VAPB: variants seen among roughly 807,000 people sequenced by gnomAD.
VAPB encodes the protein VAMP associated protein B and C.
In VAPB, 7 loss-of-function variants were observed where a neutral mutation model predicts 25.6. The observed-to-expected ratio is 0.27, with a 90% confidence interval of 0.16 to 0.51. The LOEUF is 0.51. Among genes scored for constraint, VAPB ranks in the 20% least tolerant of loss-of-function variants. VAPB has a pLI of 0.97. For missense variants in VAPB, 266 were observed against 301.3 expected (o/e 0.88, Z 0.87); for synonymous variants, 112 against 109.2 (o/e 1.03, Z -0.16).
intron 2 of VAPB, among the ~76,000 whole-genome samples, chr20:58,424,513 G>T (rs1988744351): frequency 6.6e-6 from 1 of 152,082 alleles, no homozygotes; most frequent in Non-Finnish European, 1.5e-5. Flanking sequence ...CAGCTTGCAG[G>T]TTTCATTAAG....
chr20:58,401,509 G>A (rs760258984), intron 1 of VAPB, among the ~76,000 whole-genome samples: 2 of 152,040 alleles, frequency 1.3e-5, no homozygotes, highest in African/African-American at 4.8e-5. Context: ...GACCCCTGTT[G>A]TCATCCTGCT....
chr20:58,400,563 A>G (rs1218933528), intron 1 of VAPB, among the ~76,000 whole-genome samples: 2 of 152,106 alleles, frequency 1.3e-5, no homozygotes, highest in Admixed American at 1.3e-4. Flanking sequence ...TGCTTCATTT[A>G]CTTATTTATT....
chr20:58,441,588 G>A (rs1268600510), intron 5 of VAPB, among the ~76,000 whole-genome samples: 3 of 152,224 alleles, frequency 2.0e-5, no homozygotes, highest in Non-Finnish European at 4.4e-5. Context: ...GTTGCAGTGA[G>A]CTGAGATCGT....
intron 1 of VAPB, among the ~76,000 whole-genome samples, chr20:58,401,935 C>G (rs187967347): frequency 6.6e-6 from 1 of 152,294 alleles, no homozygotes; most frequent in East Asian, 1.9e-4. Flanking sequence ...TGACTCAGTT[C>G]TGTCCCTTCT....
intron 2 of VAPB, among the ~76,000 whole-genome samples, chr20:58,420,941 C>T (rs927767510): frequency 6.6e-6 from 1 of 152,160 alleles, no homozygotes; most frequent in African/African-American, 2.4e-5. Flanking sequence ...ATTAATACAG[C>T]TACATGATGA....
At chr20:58,389,580 G>T (rs957012741) in intron 1 of VAPB, 63 bp downstream of exon 1, 5 of 1,494,430 alleles carry the variant, frequency 3.3e-6, no homozygotes, top group Non-Finnish European at 4.5e-6. Flanking sequence ...GAAGGACGGA[G>T]CCCGGCGCGG....
intron 2 of VAPB, among the ~76,000 whole-genome samples, chr20:58,425,805 T>C (rs1895513299): frequency 6.6e-6 from 1 of 152,212 alleles, no homozygotes; most frequent in Admixed American, 6.5e-5. Context: ...CAGCAGTCTG[T>C]GTTGTAGCAA....
Position 58,389,362 on chromosome 20 carries a change from C to T in VAPB, c.-98C>T. 1 of 1,428,106 alleles carries T rather than the reference C, an allele frequency of 7.0e-7. No homozygotes were observed. The highest frequency in any genetic ancestry group is 9.6e-7 in the Non-Finnish European group (1 of 1,043,724). 88.5% of individuals were successfully genotyped at this position (1,428,106 alleles called of 1,614,324 possible). On this transcript the variant is annotated 5_prime_UTR_variant, in exon 1 of 6. Transcript: ENST00000475243. ...CCGCCCGTGCCCCGACCGGTCCCCG[C>T]CTTTTTGTAAAACTTAAAGCGGGCG...
intron 1 of VAPB, among the ~76,000 whole-genome samples, chr20:58,395,370 C>T (rs1230521802): frequency 1.3e-5 from 2 of 152,048 alleles, no homozygotes; most frequent in Admixed American, 1.3e-4. Context: ...CAGATGGTCT[C>T]GATCTCTTGA....
chr20:58,438,135 C>G (rs932953919), intron 3 of VAPB, among the ~76,000 whole-genome samples: 31 of 152,172 alleles, frequency 2.0e-4, no homozygotes, highest in African/African-American at 7.0e-4. Context: ...ACAGCCCACA[C>G]ACTGCCACAG....
rs1160294670 is a variant in VAPB, at chr20:58,445,061, C to T, written c.*826C>T. The T allele has an allele frequency of 2.2e-6, 1 of 454,708 alleles. No individual in the cohort carries two copies. The highest frequency in any genetic ancestry group is 6.9e-5 in the East Asian group (1 of 14,406). The allele number at this position is 454,708 out of a possible 1,614,324, so 28.2% of individuals were successfully genotyped here. ...GGTATTGCTGCTGGAGGGCTGTGGGCTCCTCTGTCTCTGGAGAGTCTGGTC... is the reference window on the plus strand; with the variant it reads ...GGTATTGCTGCTGGAGGGCTGTGGGTTCCTCTGTCTCTGGAGAGTCTGGTC... On this transcript the variant is annotated 3_prime_UTR_variant, in exon 6 of 6. Coordinates refer to ENST00000475243, the MANE Select transcript of VAPB (RefSeq NM_004738.5).
rs1989227061 is a variant in VAPB at position 58,444,349 on chromosome 20, C to A, written c.*114C>A. ...TAATGTATGATGACATCTCACAGGT[C>A]TTGCCTTTAAATTACCCCTCCCTGC... On this transcript the variant is annotated 3_prime_UTR_variant, in exon 6 of 6. Transcript: ENST00000475243. The A allele has an allele frequency of 6.6e-7, 1 of 1,519,266 alleles. No individual in the cohort carries two copies. Among genetic ancestry groups the A allele is most frequent in the Admixed American group, 1.7e-5 (1 of 59,464 alleles). The allele number at this position is 1,519,266 out of a possible 1,614,324, so 94.1% of individuals were successfully genotyped here.
chr20:58,428,413 C>A (rs1390114470), intron 2 of VAPB, among the ~76,000 whole-genome samples: 2 of 152,066 alleles, frequency 1.3e-5, no homozygotes, highest in African/African-American at 4.8e-5. Flanking sequence ...ACTTGAATAC[C>A]AGAGATACTG....
chr20:58,445,285 G>A lies in VAPB; in HGVS notation c.*1050G>A, dbSNP rs551974797. ...CTCAACCATTACTCACACTTCCAGC[G>A]CCCAGGTCCAAGTCTGAGCCTGACC... On this transcript the variant is annotated 3_prime_UTR_variant, in exon 6 of 6. Coordinates refer to ENST00000475243, the MANE Select transcript of VAPB (RefSeq NM_004738.5). 182 of 454,224 alleles carry A rather than the reference G, an allele frequency of 4.0e-4. 1 individual carries two copies. Among genetic ancestry groups the A allele is most frequent in the Middle Eastern group, 1.4e-3 (2 of 1,444 alleles). 28.1% of individuals were successfully genotyped at this position (454,224 alleles called of 1,614,324 possible).
chr20:58,392,252 AG>A (rs1218959623), intron 1 of VAPB, among the ~76,000 whole-genome samples: 1 of 152,198 alleles, frequency 6.6e-6, no homozygotes. Flanking sequence ...GTAAGTGCAT[AG>A]TACTATACAG....
Position 58,449,730 on chromosome 20 carries a change from T to C in VAPB, c.*5495T>C. The C allele has an allele frequency of 2.2e-6, 1 of 454,122 alleles. No individual in the cohort carries two copies. Among genetic ancestry groups the C allele is most frequent in the Admixed American group, 2.3e-5 (1 of 42,576 alleles). The allele number at this position is 454,122 out of a possible 1,614,324, so 28.1% of individuals were successfully genotyped here. On this transcript the variant is annotated 3_prime_UTR_variant, in exon 6 of 6. Transcript: ENST00000475243. ...GTAACAATGCCCGATTACAATTGCT[T>C]TATTACACCCCAGGGCTGATGGAGA... is the stretch of plus-strand genomic sequence containing the variant.
rs1211879173 is a variant in VAPB at position 58,418,215 on chromosome 20, C to T, written c.63C>T (p.Pro21=). 2 of 1,614,062 alleles carry T rather than the reference C, an allele frequency of 1.2e-6. No individual in the cohort carries two copies. The highest frequency in any genetic ancestry group is 2.2e-5 in the East Asian group (1 of 44,898). ...AGTCTCTGTCTCATTCTACAGGTCCCTTCACCGATGTTGTCACCACCAACC... is the reference window on the plus strand; with the variant it reads ...AGTCTCTGTCTCATTCTACAGGTCCTTTCACCGATGTTGTCACCACCAACC... ...EPQHELKFRG[P]FTDVVTTNLK... is the part of the protein sequence containing the mutation. The change falls in exon 2 of 6, where the codon CCC becomes CCT. Residue 21 remains proline, a synonymous_variant. Transcript: ENST00000475243.
chr20:58,435,715 C>T (rs1280593415), intron 3 of VAPB, among the ~76,000 whole-genome samples: 1 of 152,116 alleles, frequency 6.6e-6, no homozygotes, highest in East Asian at 1.9e-4. Context: ...AAGGAGGAGG[C>T]CAGATATTTT....
chr20:58,441,023 A>G lies in VAPB; in HGVS notation c.513A>G (p.Glu171=). The G allele has an allele frequency of 6.2e-7, 1 of 1,614,126 alleles. No individual in the cohort carries two copies. The highest frequency in any genetic ancestry group is 8.5e-7 in the Non-Finnish European group (1 of 1,180,028). ...ACACCGAAGTTAAGAAGGTTATGGAAGAATGTAAGAGGCTGCAAGGTGAAG... is the reference window on the plus strand; with the variant it reads ...ACACCGAAGTTAAGAAGGTTATGGAGGAATGTAAGAGGCTGCAAGGTGAAG... The part of the protein sequence containing the change: ...LDDTEVKKVM[E]ECKRLQGEVQ... Residue 171 remains glutamate (E), a synonymous_variant, in exon 5 of 6, where the codon GAA becomes GAG. Transcript: ENST00000475243.
Sources: allele counts gnomAD v4.1 joint callset (sites outside exome capture counted in the v4.1 genomes callset), GRCh38; gene constraint gnomAD v4.1.1; transcripts MANE v1.5; gene names NCBI Gene and HGNC (gene_info 2026-07-23, HGNC 2026-07-21).